USP6NL: variants seen among roughly 807,000 people sequenced by gnomAD.
USP6NL encodes the protein USP6 N-terminal-like protein.
USP6NL carries 26 observed loss-of-function variants against 61.9 expected under a neutral mutation model. The ratio of observed to expected loss-of-function variants is 0.42; its 90% CI spans 0.31 to 0.58. The LOEUF (loss-of-function observed/expected upper bound fraction) is 0.58, where lower values mean the gene tolerates loss of function less well. Ranked by LOEUF, USP6NL falls within the 20% of genes least tolerant of loss-of-function variation. The pLI is 0.16. For missense variants in USP6NL, 1,114 were observed against 1,034.3 expected (o/e 1.08, Z -1.06); for synonymous variants, 432 against 390.1 (o/e 1.11, Z -1.27).
intron 2 of USP6NL, among the ~76,000 whole-genome samples, chr10:11,570,011 C>T (rs1837301528): frequency 6.6e-6 from 1 of 152,194 alleles, no homozygotes; most frequent in Non-Finnish European, 1.5e-5. Context: ...TTCATGACTC[C>T]TCCTTTGGGA....
Position 11,463,831 on chromosome 10 carries a change from G to C in USP6NL, c.1097C>G (p.Pro366Arg). The C allele has an allele frequency of 6.8e-7, 1 of 1,464,822 alleles. No individual in the cohort carries two copies. The highest frequency in any genetic ancestry group is 9.0e-7 in the Non-Finnish European group (1 of 1,107,460). The allele number at this position is 1,464,822 out of a possible 1,614,324, so 90.7% of individuals were successfully genotyped here. Reference protein sequence around the residue: ...LPEPGKEDEYPKKPLGQLPPE... With the variant: ...LPEPGKEDEYRKKPLGQLPPE... ...TGGAAGCTGCCCCAAGGGCTTCTTT[G>C]GATATTCATCCTCTTTACCTGAAAA... The change falls in exon 15 of 15, where the codon CCA becomes CGA. Residue 366 changes from proline (P) to arginine (R), a missense_variant. Pro to Arg is a moderately radical substitution (Grantham distance 103). Coordinates refer to ENST00000609104, the MANE Select transcript of USP6NL (RefSeq NM_014688.5). This position sits in a 1 kb window ranked among gnomAD's most constrained non-coding sequence, Gnocchi z 6.3.
chr10:11,491,307 C>T lies in USP6NL; in HGVS notation c.495-427G>A, dbSNP rs1833700458. On this transcript the variant is annotated intron_variant, in intron 8 of 14. Transcript: ENST00000609104. The surrounding 1 kb of genome is among the most constrained non-coding windows in gnomAD (Gnocchi z 4.7). ...ATATGCTCCATATCAGGCTCCAATT[C>T]AAGGTGCTGTTTTTCCCATAGCCAG... 6.6e-6 allele frequency among the ~76,000 whole-genome samples: 1 copy of T among 152,132 alleles called. No individual in the cohort carries two copies. The highest frequency in any genetic ancestry group is 2.4e-5 in the African/African-American group (1 of 41,418).
At position 11,463,231 on chromosome 10, in the gene USP6NL, T is replaced by C; in HGVS notation, c.1697A>G (p.Glu566Gly). The change falls in exon 15 of 15, where the codon GAG becomes GGG. Residue 566 changes from glutamate (E) to glycine (G), a missense_variant. Physicochemically the swap from Glu to Gly is moderately conservative, Grantham distance 98. Transcript: ENST00000609104. This position sits in a 1 kb window ranked among gnomAD's most constrained non-coding sequence, Gnocchi z 6.3. ...GGAGTAAGCCCTTTCCAGCGCCTCC[T>C]CCACGGAAGCGCCGCTGTCCAGCTC... is the stretch of plus-strand genomic sequence containing the variant. The part of the protein sequence containing the change: ...GPELDSGASV[E>G]EALERAYSQS... 1 of 1,613,510 alleles carries C rather than the reference T, an allele frequency of 6.2e-7. No homozygotes were observed. The highest frequency in any genetic ancestry group is 8.5e-7 in the Non-Finnish European group (1 of 1,179,874).
Position 11,462,860 on chromosome 10 carries a change from G to A in USP6NL, c.2068C>T (p.Pro690Ser), listed in dbSNP as rs1237113764. Reference protein sequence around the residue: ...SPEKSYSRPSPLVLPSSRIEV... With the variant: ...SPEKSYSRPSSLVLPSSRIEV... ...ATTCGACTAGACGGCAGTACAAGGG[G>A]GCTTGGGCGGCTGTAAGATTTCTCC... Residue 690 changes from proline (P) to serine (S), a missense_variant, in exon 15 of 15, where the codon CCC (proline) becomes TCC (serine). Pro to Ser is a moderately conservative substitution (Grantham distance 74). Transcript: ENST00000609104. 6.8e-6 allele frequency: 11 copies of A among 1,613,808 alleles called. No homozygotes were observed. The highest frequency in any genetic ancestry group is 9.3e-6 in the Non-Finnish European group (11 of 1,179,874).
intron 2 of USP6NL, among the ~76,000 whole-genome samples, chr10:11,586,429 TATG>T (rs1234023169): frequency 6.6e-6 from 1 of 151,344 alleles, no homozygotes; most frequent in Non-Finnish European, 1.5e-5. Context: ...TTAAGTAAGT[TATG>T]ATGAGTCATT....
intron 2 of USP6NL, among the ~76,000 whole-genome samples, chr10:11,544,155 C>T (rs1249725613): frequency 6.6e-6 from 1 of 151,940 alleles, no homozygotes; most frequent in Non-Finnish European, 1.5e-5. Flanking sequence ...ATGTTCCACC[C>T]TCAATTCACC....
chr10:11,467,104 A>C (rs1443759131), intron 14 of USP6NL, among the ~76,000 whole-genome samples: 1 of 152,184 alleles, frequency 6.6e-6, no homozygotes, highest in Non-Finnish European at 1.5e-5. Context: ...CGCCATCCAC[A>C]AATCTGAACA....
chr10:11,561,607 T>G lies in USP6NL; in HGVS notation c.5-34040A>C, dbSNP rs1836932355. On this transcript the variant is annotated intron_variant, in intron 2 of 14. Transcript: ENST00000609104. The surrounding 1 kb of genome is among the most constrained non-coding windows in gnomAD (Gnocchi z 4.1). ...ACTTCACTATATGGATTTGCCATAA[T>G]GCACTAACCTTTCTTCTACTGACAG... 6.6e-6 allele frequency among the ~76,000 whole-genome samples: 1 copy of G among 152,256 alleles called. No individual in the cohort carries two copies. Among genetic ancestry groups the G allele is most frequent in the Non-Finnish European group, 1.5e-5 (1 of 68,050 alleles).
rs1303683974 is a variant in USP6NL, at chr10:11,462,632, CTGAG to C, written c.2292_2295del (p.Tyr764Ter). The C allele has an allele frequency of 2.5e-6, 4 of 1,613,870 alleles. No individual in the cohort carries two copies. The Admixed American group carries it at 5.0e-5, about 20-fold the overall frequency. ...TCCTGAAAGGGTGCGAGTTGAAAGG[CTGAG>C]TATTTTGGTAAATTGCCACGGCTAG... On this transcript the variant is annotated frameshift_variant, in exon 15 of 15. Coordinates refer to ENST00000609104, the MANE Select transcript of USP6NL (RefSeq NM_014688.5). LOFTEE classifies it low-confidence loss of function (END_TRUNC).
In USP6NL at chr10:11,474,039, C is replaced by G. The variant is rs1183724831; in HGVS notation, c.1078+7731G>C. Among the ~76,000 whole-genome samples, 1 of 152,140 alleles carries G rather than the reference C, an allele frequency of 6.6e-6. No individual in the cohort carries two copies. Among genetic ancestry groups the G allele is most frequent in the African/African-American group, 2.4e-5 (1 of 41,416 alleles). ...AGGCGGTGCCACCCGATGGAACTCA[C>G]CTGGAGTTCCAGCTCATGCTTCAGC... On this transcript the variant is annotated intron_variant, in intron 14 of 14. Coordinates refer to ENST00000609104, the MANE Select transcript of USP6NL (RefSeq NM_014688.5). This position sits in a 1 kb window ranked among gnomAD's most constrained non-coding sequence, Gnocchi z 4.9.
rs1265644933 is a variant in USP6NL, at chr10:11,532,839, T to C, written c.5-5272A>G. Among the ~76,000 whole-genome samples the C allele has an allele frequency of 1.3e-5, 2 of 152,216 alleles. No individual in the cohort carries two copies. Among genetic ancestry groups the C allele is most frequent in the Non-Finnish European group, 2.9e-5 (2 of 68,042 alleles). Reference sequence around the variant, plus strand: ...AAAATACATGCTAAAGTAGTGGTTTTGGACGTTTTTAACAAACCACACACA... The same window carrying C: ...AAAATACATGCTAAAGTAGTGGTTTCGGACGTTTTTAACAAACCACACACA... On this transcript the variant is annotated intron_variant, in intron 2 of 14. Transcript: ENST00000609104. The surrounding 1 kb of genome is among the most constrained non-coding windows in gnomAD (Gnocchi z 4.1).
chr10:11,550,032 GAC>G (rs1836425848), intron 2 of USP6NL, among the ~76,000 whole-genome samples: 1 of 152,346 alleles, frequency 6.6e-6, no homozygotes, highest in African/African-American at 2.4e-5. Flanking sequence ...AGTGGGGAGA[GAC>G]AGTCTTGTCA....
Position 11,496,954 on chromosome 10 carries a change from G to A in USP6NL, c.385-3726C>T, listed in dbSNP as rs1011506308. On this transcript the variant is annotated intron_variant, in intron 7 of 14. Coordinates refer to ENST00000609104, the MANE Select transcript of USP6NL (RefSeq NM_014688.5). The surrounding 1 kb of genome is among the most constrained non-coding windows in gnomAD (Gnocchi z 5.4). ...TATGTTTCAGAATTCTCAAGACAGA[G>A]GAAGACATTTAGAGTATTGTATTAG... Among the ~76,000 whole-genome samples the A allele has an allele frequency of 3.9e-5, 6 of 152,014 alleles. No individual in the cohort carries two copies. The highest frequency in any genetic ancestry group is 2.4e-5 in the African/African-American group (1 of 41,366).
chr10:11,607,698 A>AAATAAT (rs1227782792), intron 1 of USP6NL, among the ~76,000 whole-genome samples: 1 of 152,032 alleles, frequency 6.6e-6, no homozygotes, highest in South Asian at 2.1e-4. Context: ...GAAAAGGAAA[A>AAATAAT]AATAATAATA....
chr10:11,591,201 T>G lies in USP6NL; in HGVS notation c.4+6430A>C, dbSNP rs1055802537. Among the ~76,000 whole-genome samples the G allele has an allele frequency of 6.6e-6, 1 of 152,182 alleles. No individual in the cohort carries two copies. Among genetic ancestry groups the G allele is most frequent in the African/African-American group, 2.4e-5 (1 of 41,450 alleles). Reference sequence around the variant, plus strand: ...ATAAAGAGGCCAGCCACTGGAAAACTTACTGCTTTCAGAATGGAATTCGAA... The same window carrying G: ...ATAAAGAGGCCAGCCACTGGAAAACGTACTGCTTTCAGAATGGAATTCGAA... On this transcript the variant is annotated intron_variant, in intron 2 of 14. Transcript: ENST00000609104. The surrounding 1 kb of genome is among the most constrained non-coding windows in gnomAD (Gnocchi z 4.7).
chr10:11,545,219 C>T (rs1049675525), intron 2 of USP6NL, among the ~76,000 whole-genome samples: 2 of 152,120 alleles, frequency 1.3e-5, no homozygotes, highest in Non-Finnish European at 1.5e-5. Context: ...GGCAAACCCT[C>T]CCCTCTCTGC....
In USP6NL at chr10:11,484,958, A is replaced by G. The variant is rs1179277733; in HGVS notation, c.925+13T>C. On this transcript the variant is annotated intron_variant, in intron 13 of 14. Transcript: ENST00000609104. ...TTTTTAATGAAATTTTAAGAGTTTAAGCATTTTCTTACTTTTGTGTAATTT... is the reference window on the plus strand; with the variant it reads ...TTTTTAATGAAATTTTAAGAGTTTAGGCATTTTCTTACTTTTGTGTAATTT... 2.7e-6 allele frequency: 4 copies of G among 1,508,556 alleles called. No individual in the cohort carries two copies. Among genetic ancestry groups the G allele is most frequent in the South Asian group, 1.3e-5 (1 of 76,992 alleles). 93.4% of individuals were successfully genotyped at this position (1,508,556 alleles called of 1,614,324 possible). A position where few individuals can be genotyped will look rare whatever the true frequency, so the allele number is the denominator to read the frequency against.
rs1833929589 is a variant in USP6NL at position 11,496,495 on chromosome 10, C to T, written c.385-3267G>A. ...CATTTTCTTATTTCTGTGGGTTTGC[C>T]TTTTTATAATAAAAACTCTGCTATC... On this transcript the variant is annotated intron_variant, in intron 7 of 14. Transcript: ENST00000609104. This position sits in a 1 kb window ranked among gnomAD's most constrained non-coding sequence, Gnocchi z 5.4. Among the ~76,000 whole-genome samples, 3 of 152,024 alleles carry T rather than the reference C, an allele frequency of 2.0e-5. No homozygotes were observed. The South Asian group carries it at 6.2e-4, about 32-fold the overall frequency.
intron 13 of USP6NL, among the ~76,000 whole-genome samples, chr10:11,484,464 C>T (rs963190952): frequency 4.0e-5 from 6 of 151,754 alleles, no homozygotes; most frequent in African/African-American, 1.5e-4. Context: ...GCCCCAGAGG[C>T]CATAATGCAC....
Sources: gnomAD v4.1 joint callset for allele counts (sites outside exome capture counted in the v4.1 genomes callset) on GRCh38, gnomAD v4.1.1 for gene constraint, Gnocchi (gnomAD v3.1) non-coding constraint, MANE v1.5 for transcripts, NCBI Gene and HGNC (gene_info 2026-07-23, HGNC 2026-07-21) for gene names.